RELT: variants seen among roughly 807,000 people sequenced by gnomAD.
RELT encodes RELT TNF receptor.
RELT carries 37 observed loss-of-function variants against 51.1 expected under a neutral mutation model. The ratio of observed to expected loss-of-function variants is 0.72; its 90% CI spans 0.56 to 0.95. RELT has a LOEUF of 0.95. Ranked by LOEUF, RELT falls within the 40% of genes least tolerant of loss-of-function variation. The pLI is 0.00. For synonymous variants in RELT, 241 were observed against 235.7 expected (o/e 1.02, Z -0.21); for missense variants, 535 against 572.6 (o/e 0.93, Z 0.67).
At chr11:73,391,465 G>A (rs927520656) in intron 5 of RELT, among the ~76,000 whole-genome samples, 1 of 152,160 alleles carries the variant, frequency 6.6e-6, no homozygotes, top group African/African-American at 2.4e-5. Flanking sequence ...ACAGCTGGGG[G>A]CTGGGGACTC....
chr11:73,393,841 C>G lies in RELT; in HGVS notation c.630C>G (p.Ile210Met). 6.2e-7 allele frequency: 1 copy of G among 1,614,010 alleles called. No individual in the cohort carries two copies. The highest frequency in any genetic ancestry group is 8.5e-7 in the Non-Finnish European group (1 of 1,179,916). The change falls in exon 7 of 11, where the codon ATC (isoleucine) becomes ATG (methionine). Residue 210 changes from isoleucine (I) to methionine (M), a missense_variant. Coordinates refer to ENST00000064780, the MANE Select transcript of RELT (RefSeq NM_152222.2). ...CAGGGCCCTTCTCTTCCCCAGGAAT[C>G]AACCCTGCCTACCGGACTGAGGATG... ...GPGPGGGGSGINPAYRTEDAN... is the reference protein window; with the variant it reads ...GPGPGGGGSGMNPAYRTEDAN...
In RELT at chr11:73,395,112, C is replaced by T. The variant is rs759914347; in HGVS notation, c.1072C>T (p.Gln358Ter). ...GRFRVARIPE[Q>*]RTSSMVSEVK... ...GTTCCGCGTGGCTCGAATTCCTGAGCAGCGGACAAGTTCAATGGTGTCTGA... is the reference window on the plus strand; with the variant it reads ...GTTCCGCGTGGCTCGAATTCCTGAGTAGCGGACAAGTTCAATGGTGTCTGA... The change falls in exon 10 of 11, where the codon CAG becomes TAG. Residue 358 changes from glutamine (Q) to a stop codon, truncating the protein, a stop_gained. Coordinates refer to ENST00000064780, the MANE Select transcript of RELT (RefSeq NM_152222.2). LOFTEE classifies it high-confidence loss of function. 7 of 1,613,462 alleles carry T rather than the reference C, an allele frequency of 4.3e-6. No homozygotes were observed. The Admixed American group carries it at 1.2e-4, about 27-fold the overall frequency.
Position 73,388,850 on chromosome 11 carries a change from C to G in RELT, c.-25-262C>G, listed in dbSNP as rs112894610. 7.9e-5 allele frequency among the ~76,000 whole-genome samples: 12 copies of G among 152,340 alleles called. No homozygotes were observed. The highest frequency in any genetic ancestry group is 2.2e-4 in the African/African-American group (9 of 41,590). The stretch of plus-strand genomic sequence containing the variant: ...AGGAAGGGGAAGGAAGCCCTTCCTC[C>G]TCTGGGAAGCCTCCCAGCCTGCAGA... On this transcript the variant is annotated intron_variant, in intron 1 of 10. Transcript: ENST00000064780. The surrounding 1 kb of genome is among the most constrained non-coding windows in gnomAD (Gnocchi z 4.1).
intron 2 of RELT, among the ~76,000 whole-genome samples, chr11:73,390,205 T>C (rs56411180): frequency 0.013 from 1,926 of 151,868 alleles, 48 homozygotes; most frequent in African/African-American, 0.044. Flanking sequence ...TAGGAGGAAG[T>C]GGGGGCAGAA....
rs767078652 is a variant in RELT, at chr11:73,390,936, G to A, written c.287+15G>A. 1.2e-6 allele frequency: 2 copies of A among 1,607,432 alleles called. No homozygotes were observed. Among genetic ancestry groups the A allele is most frequent in the Non-Finnish European group, 1.7e-6 (2 of 1,178,272 alleles). On this transcript the variant is annotated intron_variant, in intron 4 of 10. Coordinates refer to ENST00000064780, the MANE Select transcript of RELT (RefSeq NM_152222.2). ...TGCTGGCCTGGGTAAGCCAAAGGGAGTGCGGGGAGGGCTCCTGGCTGGGTG... is the reference window on the plus strand; with the variant it reads ...TGCTGGCCTGGGTAAGCCAAAGGGAATGCGGGGAGGGCTCCTGGCTGGGTG...
intron 5 of RELT, among the ~76,000 whole-genome samples, chr11:73,391,735 C>T (rs1866217931): frequency 1.3e-5 from 2 of 152,086 alleles, no homozygotes; most frequent in Admixed American, 1.3e-4. Context: ...GCTGTGATCG[C>T]CCCACTGCAC....
chr11:73,379,299 A>G (rs1044828140), intron 1 of RELT, among the ~76,000 whole-genome samples: 2 of 152,204 alleles, frequency 1.3e-5, no homozygotes, highest in Non-Finnish European at 2.9e-5. Flanking sequence ...CCAGCCTTAA[A>G]GGAGGCCCCC....
intron 6 of RELT, chr11:73,392,855 TGGCAGGGCAGCTGTCCTGTCCTG>T: frequency 8.9e-7 from 1 of 1,128,132 alleles, no homozygotes. Context: ...GCAGGAGGGC[TGGCAGGGCAGCTGTCCTGTCCTG>T]GGCAGGCACC....
rs775679191 is a variant in RELT at position 73,393,833 on chromosome 11, C to G, written c.626-4C>G. The G allele has an allele frequency of 1.9e-6, 3 of 1,613,960 alleles. No individual in the cohort carries two copies. In the South Asian group the frequency reaches 3.3e-5, roughly 18 times the overall value. On this transcript the variant is annotated splice_polypyrimidine_tract_variant and splice_region_variant and intron_variant, in intron 6 of 10. Coordinates refer to ENST00000064780, the MANE Select transcript of RELT (RefSeq NM_152222.2). ...CCCAGGATCAGGGCCCTTCTCTTCC[C>G]CAGGAATCAACCCTGCCTACCGGAC...
At chr11:73,380,133 G>A (rs1283381233) in intron 1 of RELT, among the ~76,000 whole-genome samples, 1 of 152,162 alleles carries the variant, frequency 6.6e-6, no homozygotes, top group Non-Finnish European at 1.5e-5. Context: ...TGTGGGTACC[G>A]CATGCTCAGC....
Position 73,394,583 on chromosome 11 carries a change from A to G in RELT, c.895A>G (p.Ser299Gly). Residue 299 changes from serine (S) to glycine (G), a missense_variant, in exon 9 of 11, where the codon AGC (serine) becomes GGC (glycine). Coordinates refer to ENST00000064780, the MANE Select transcript of RELT (RefSeq NM_152222.2). The surrounding 1 kb of genome is among the most constrained non-coding windows in gnomAD (Gnocchi z 4.9). ...CTCTGGCCCCTGCTGCTCCCGCTGT[A>G]GCCAGAAGAAGTGGCCCGAGGTGCT... ...SLSGPCCSRC[S>G]QKKWPEVLLS... The G allele has an allele frequency of 6.2e-7, 1 of 1,613,070 alleles. No individual in the cohort carries two copies.
chr11:73,382,034 C>T (rs1235801208), intron 1 of RELT, among the ~76,000 whole-genome samples: 1 of 152,138 alleles, frequency 6.6e-6, no homozygotes, highest in African/African-American at 2.4e-5. Context: ...GAGGAAGACC[C>T]CGAAACTCAG....
chr11:73,383,273 C>A (rs535477629), intron 1 of RELT, among the ~76,000 whole-genome samples: 1 of 152,338 alleles, frequency 6.6e-6, no homozygotes, highest in East Asian at 1.9e-4. Context: ...GAGCTTCCAG[C>A]AGCAGCCCTA....
chr11:73,389,087 C>A (rs528487361), intron 1 of RELT, 25 bp from the exon 2 acceptor site: 1 of 1,318,354 alleles, frequency 7.6e-7, no homozygotes, highest in South Asian at 1.3e-5. Flanking sequence ...GCCGCTCTGC[C>A]GAGCCTCCTC....
chr11:73,387,190 G>A (rs1866137540), intron 1 of RELT, among the ~76,000 whole-genome samples: 1 of 152,136 alleles, frequency 6.6e-6, no homozygotes, highest in Admixed American at 6.5e-5. Flanking sequence ...TGATCCACCT[G>A]CCTCTGCCTC....
intron 1 of RELT, among the ~76,000 whole-genome samples, chr11:73,381,876 T>TC (rs1866055694): frequency 6.6e-6 from 1 of 152,072 alleles, no homozygotes; most frequent in Non-Finnish European, 1.5e-5. Flanking sequence ...TACGTGGAGT[T>TC]CCCCAAAGCA....
chr11:73,377,764 A>G (rs574141395), intron 1 of RELT, among the ~76,000 whole-genome samples: 2 of 149,164 alleles, frequency 1.3e-5, no homozygotes, highest in Admixed American at 6.6e-5. Flanking sequence ...ACTGTGAATC[A>G]TCACTTTGGG....
rs1194490683 is a variant in RELT, at chr11:73,388,040, T to C, written c.-25-1072T>C. 6.6e-6 allele frequency among the ~76,000 whole-genome samples: 1 copy of C among 152,208 alleles called. No individual in the cohort carries two copies. The highest frequency in any genetic ancestry group is 2.4e-5 in the African/African-American group (1 of 41,450). On this transcript the variant is annotated intron_variant, in intron 1 of 10. Coordinates refer to ENST00000064780, the MANE Select transcript of RELT (RefSeq NM_152222.2). The surrounding 1 kb of genome is among the most constrained non-coding windows in gnomAD (Gnocchi z 4.1). Reference sequence around the variant, plus strand: ...CCCTTCTGCTGTCTGATGTGAATCCTTTGTCCTGCTGTGTCCGCCTCGTCC... The same window carrying C: ...CCCTTCTGCTGTCTGATGTGAATCCCTTGTCCTGCTGTGTCCGCCTCGTCC...
chr11:73,392,275 A>G lies in RELT; in HGVS notation c.432A>G (p.Thr144=), dbSNP rs1287203636. 1 of 1,613,010 alleles carries G rather than the reference A, an allele frequency of 6.2e-7. No homozygotes were observed. Among genetic ancestry groups the G allele is most frequent in the Non-Finnish European group, 8.5e-7 (1 of 1,179,786 alleles). Residue 144 remains threonine, a synonymous_variant, in exon 6 of 11, where the codon ACA becomes ACG. Coordinates refer to ENST00000064780, the MANE Select transcript of RELT (RefSeq NM_152222.2). ...VAAGASSGGE[T]RQPGNGTRAG... is the part of the protein sequence containing the mutation. Reference sequence around the variant, plus strand: ...CAGGGGCCAGCAGCGGTGGTGAGACACGGCAGCCTGGGAACGGCACCCGGG... The same window carrying G: ...CAGGGGCCAGCAGCGGTGGTGAGACGCGGCAGCCTGGGAACGGCACCCGGG...
Sources: gnomAD v4.1 joint callset for allele counts (sites outside exome capture counted in the v4.1 genomes callset) on GRCh38, gnomAD v4.1.1 for gene constraint, Gnocchi (gnomAD v3.1) non-coding constraint, MANE v1.5 for transcripts, NCBI Gene and HGNC (gene_info 2026-07-23, HGNC 2026-07-21) for gene names.